CTXN2: variants seen among roughly 807,000 people sequenced by gnomAD.
The protein encoded by CTXN2 is cortexin 2.
Under a neutral mutation model 5.7 loss-of-function variants are expected in CTXN2, and 3 were observed. The observed-to-expected ratio is 0.53, with a 90% CI of 0.24 to 1.36. The LOEUF (loss-of-function observed/expected upper bound fraction) is 1.36. Among genes scored for constraint, CTXN2 ranks in the 40% most tolerant of loss-of-function variants. The probability of loss-of-function intolerance (pLI) is 0.17; values close to 1 mark genes in which losing one functional copy is unlikely to be tolerated. For missense variants in CTXN2, 87 were observed against 93.0 expected (o/e 0.94, Z 0.26); for synonymous variants, 38 against 36.4 (o/e 1.04, Z -0.16).
At chr15:48,181,695 T>A (rs2040702954) in intron 1 of CTXN2, among the ~76,000 whole-genome samples, 1 of 152,208 alleles carries the variant, frequency 6.6e-6, no homozygotes, top group African/African-American at 2.4e-5. Context: ...ATATTTGTGC[T>A]GATATTCTAG....
At chr15:48,180,260 G>A (rs184288687) in intron 1 of CTXN2, among the ~76,000 whole-genome samples, 1 of 152,258 alleles carries the variant, frequency 6.6e-6, no homozygotes, top group Admixed American at 6.5e-5. Flanking sequence ...AAGAGCAGAG[G>A]TTAATTCCTA....
upstream of CTXN2, among the ~76,000 whole-genome samples, chr15:48,188,135 T>C (rs2140972668): frequency 6.6e-6 from 1 of 152,148 alleles, no homozygotes; most frequent in East Asian, 1.9e-4. Flanking sequence ...TATGAGGACA[T>C]TTACATGAGG....
rs117199827 is a variant in CTXN2, at chr15:48,185,736, C to T, written c.-454-5721C>T. ...TGCACAAAGATCAGGAAGAATTGTG[C>T]AATAAGCATTTTCAAGACAGATCGT... On this transcript the variant is annotated intron_variant, in intron 1 of 2. Transcript: ENST00000644354. Among the ~76,000 whole-genome samples the T allele has an allele frequency of 2.4e-4, 36 of 152,148 alleles. No homozygotes were observed. The East Asian group carries it at 7.0e-3, about 29-fold the overall frequency.
At chr15:48,183,198 G>T (rs530928407) in intron 1 of CTXN2, among the ~76,000 whole-genome samples, 9 of 152,330 alleles carry the variant, frequency 5.9e-5, no homozygotes, top group African/African-American at 1.9e-4. Context: ...CATTTGGCAT[G>T]CTTTCTGAGG....
At chr15:48,190,907 T>C (rs572176048), upstream of CTXN2, 42 of 152,376 alleles carry the variant, frequency 2.8e-4, no homozygotes, top group African/African-American at 9.6e-4. Context: ...AGAATCTACA[T>C]ATTCAACACT....
chr15:48,191,740 G>T lies in CTXN2; in HGVS notation c.-171G>T, dbSNP rs1185485835. 1 of 455,898 alleles carries T rather than the reference G, an allele frequency of 2.2e-6. No individual in the cohort carries two copies. Among genetic ancestry groups the T allele is most frequent in the African/African-American group, 2.0e-5 (1 of 50,030 alleles). 28.2% of individuals were successfully genotyped at this position (455,898 alleles called of 1,614,324 possible). On this transcript the variant is annotated 5_prime_UTR_variant, in exon 1 of 2. Transcript: ENST00000417307. ...ACCAGGGCCCTGTGACTCTACGCAG[G>T]TTCCAGAACACGCCTTCTACATTTG...
intron 1 of CTXN2, among the ~76,000 whole-genome samples, chr15:48,196,092 C>T (rs1489071458): frequency 6.6e-6 from 1 of 152,046 alleles, no homozygotes. Flanking sequence ...CTATCATTTG[C>T]ACCCCTATTC....
At chr15:48,195,300 T>C (rs2040866536) in intron 1 of CTXN2, among the ~76,000 whole-genome samples, 1 of 152,024 alleles carries the variant, frequency 6.6e-6, no homozygotes, top group Non-Finnish European at 1.5e-5. Context: ...CTTTCCAACC[T>C]CTACCCTCTT....
chr15:48,186,183 A>G (rs1263890029), intron 1 of CTXN2, among the ~76,000 whole-genome samples: 1 of 152,242 alleles, frequency 6.6e-6, no homozygotes, highest in Non-Finnish European at 1.5e-5. Context: ...TACACTTTAA[A>G]TGAAACAACT....
At chr15:48,195,507 G>A (rs190926020) in intron 1 of CTXN2, among the ~76,000 whole-genome samples, 3 of 152,096 alleles carry the variant, frequency 2.0e-5, no homozygotes, top group African/African-American at 4.8e-5. Flanking sequence ...CCTTTCCAAC[G>A]CTTTGTTTCC....
At chr15:48,189,039 A>G (rs1037918864), upstream of CTXN2, 1 of 152,154 alleles carries the variant, frequency 6.6e-6, no homozygotes, top group Non-Finnish European at 1.5e-5. Context: ...GTGGAACCTA[A>G]TGGATTTTTA....
intron 1 of CTXN2, among the ~76,000 whole-genome samples, chr15:48,180,220 A>C (rs1274364523): frequency 6.6e-6 from 1 of 152,154 alleles, no homozygotes; most frequent in Non-Finnish European, 1.5e-5. Context: ...CAAATGCCTC[A>C]CCCGCTGTAG....
upstream of CTXN2, chr15:48,190,960 G>A (rs949326596): frequency 6.6e-6 from 1 of 152,274 alleles, no homozygotes; most frequent in African/African-American, 2.4e-5. Flanking sequence ...CTTTATCAGA[G>A]CGTTTCCTGG....
At chr15:48,185,188 A>G (rs1011037119) in intron 1 of CTXN2, among the ~76,000 whole-genome samples, 2 of 152,170 alleles carry the variant, frequency 1.3e-5, no homozygotes, top group Non-Finnish European at 2.9e-5. Context: ...ATGTGAAACT[A>G]TTCTGCATGA....
At chr15:48,189,385 G>A (rs961221844), upstream of CTXN2, 6 of 152,180 alleles carry the variant, frequency 3.9e-5, no homozygotes, top group African/African-American at 1.4e-4. Context: ...CATTTACCAT[G>A]GAGCCATATT....
chr15:48,193,560 T>C (rs952460846), intron 1 of CTXN2, among the ~76,000 whole-genome samples: 16 of 152,172 alleles, frequency 1.1e-4, no homozygotes, highest in African/African-American at 3.6e-4. Context: ...TATTTCCCAA[T>C]AAACAGGATA....
chr15:48,201,043 C>T (rs572077020), intron 1 of CTXN2, among the ~76,000 whole-genome samples: 3 of 152,194 alleles, frequency 2.0e-5, no homozygotes, highest in East Asian at 1.9e-4. Flanking sequence ...CTTATGTGTC[C>T]GCAAAGGAAA....
intron 1 of CTXN2, chr15:48,178,462 G>A: frequency 2.1e-6 from 1 of 475,096 alleles, no homozygotes; most frequent in African/African-American, 2.0e-5. Context: ...GCTGGGGTCA[G>A]GGCCGCTGTT....
intron 1 of CTXN2, among the ~76,000 whole-genome samples, chr15:48,194,087 C>T (rs957979104): frequency 1.3e-5 from 2 of 152,070 alleles, no homozygotes; most frequent in African/African-American, 4.8e-5. Flanking sequence ...TTGAATATTA[C>T]TTTTTCAGTT....
Sources: allele counts gnomAD v4.1 joint callset (sites outside exome capture counted in the v4.1 genomes callset), GRCh38; gene constraint gnomAD v4.1.1; transcripts MANE v1.5; gene names NCBI Gene and HGNC (gene_info 2026-07-23, HGNC 2026-07-21).